AUTS2: variants seen among roughly 807,000 people sequenced by gnomAD.
AUTS2 encodes the protein activator of transcription and developmental regulator AUTS2, also known as autism susceptibility gene 2 protein.
In AUTS2, 17 loss-of-function variants were observed where a neutral mutation model predicts 112.4. That is an observed-to-expected ratio of 0.15 (90% CI 0.10 to 0.23). The LOEUF (loss-of-function observed/expected upper bound fraction) is 0.23, where lower values mean the gene tolerates loss of function less well. Ranked by LOEUF, AUTS2 falls within the 10% of genes least tolerant of loss-of-function variation. AUTS2 has a pLI of 1.00. For synonymous variants in AUTS2, 751 were observed against 702.7 expected (o/e 1.07, Z -1.09); for missense variants, 1,510 against 1,701.6 (o/e 0.89, Z 1.98).
chr7:69,612,679 C>T (rs1401991401), intron 1 of AUTS2, among the ~76,000 whole-genome samples: 4 of 152,080 alleles, frequency 2.6e-5, no homozygotes, highest in African/African-American at 7.2e-5. Flanking sequence ...TGGTCTTGAC[C>T]TCCTGGGCTT....
intron 2 of AUTS2, among the ~76,000 whole-genome samples, chr7:69,910,558 C>T (rs1795311990): frequency 6.6e-6 from 1 of 152,218 alleles, no homozygotes; most frequent in Non-Finnish European, 1.5e-5. Flanking sequence ...AGTAGCAGGT[C>T]ACATCTTACG....
At chr7:70,105,347 A>T (rs2129570295) in intron 2 of AUTS2, among the ~76,000 whole-genome samples, 1 of 152,136 alleles carries the variant, frequency 6.6e-6, no homozygotes, top group Admixed American at 6.5e-5. Flanking sequence ...GCAGCCTCGA[A>T]CTCCTGGGCT....
intron 1 of AUTS2, among the ~76,000 whole-genome samples, chr7:69,762,317 TTTTTTTTG>T (rs1788223755): frequency 8.3e-6 from 1 of 120,114 alleles, no homozygotes; most frequent in Non-Finnish European, 1.7e-5. Context: ...TTTTTTTTTT[TTTTTTTTG>T]AGATGGGGTA....
chr7:70,709,439 A>G (rs1370734315), intron 6 of AUTS2, among the ~76,000 whole-genome samples: 6 of 152,184 alleles, frequency 3.9e-5, no homozygotes, highest in South Asian at 2.1e-4. Flanking sequence ...CAGCCAGCAC[A>G]GTGGCTCACG....
intron 6 of AUTS2, among the ~76,000 whole-genome samples, chr7:70,713,775 A>G (rs1810195572): frequency 6.6e-6 from 1 of 152,166 alleles, no homozygotes; most frequent in Non-Finnish European, 1.5e-5. Context: ...GGAGCCTTGT[A>G]GTCCCAGCTA....
At chr7:70,183,973 A>C (rs1584848433) in intron 4 of AUTS2, among the ~76,000 whole-genome samples, 1 of 152,070 alleles carries the variant, frequency 6.6e-6, no homozygotes, top group Admixed American at 6.6e-5. Flanking sequence ...AGAACATATA[A>C]TTCAGCAGAT....
intron 1 of AUTS2, among the ~76,000 whole-genome samples, chr7:69,617,979 TG>T (rs1356074927): frequency 6.6e-6 from 1 of 152,250 alleles, no homozygotes; most frequent in African/African-American, 2.4e-5. Flanking sequence ...TTGTGATGTT[TG>T]TTGTACCCAG....
At chr7:70,070,780 G>A (rs995610170) in intron 2 of AUTS2, among the ~76,000 whole-genome samples, 2 of 151,944 alleles carry the variant, frequency 1.3e-5, no homozygotes, top group Admixed American at 1.3e-4. Flanking sequence ...GCTGAGGCAG[G>A]AGAATCGCTT....
intron 2 of AUTS2, among the ~76,000 whole-genome samples, chr7:70,100,543 A>G (rs1804429467): frequency 6.6e-6 from 1 of 151,638 alleles, no homozygotes. Flanking sequence ...CTCATCATTT[A>G]CATTAGGTAT....
intron 1 of AUTS2, among the ~76,000 whole-genome samples, chr7:69,720,828 G>C (rs1214662326): frequency 6.6e-6 from 1 of 152,108 alleles, no homozygotes; most frequent in Non-Finnish European, 1.5e-5. Context: ...AGGATCTCTT[G>C]GGAACTGCAG....
intron 6 of AUTS2, among the ~76,000 whole-genome samples, chr7:70,710,326 T>C (rs1275988168): frequency 6.6e-6 from 1 of 152,120 alleles, no homozygotes; most frequent in Admixed American, 6.5e-5. Flanking sequence ...AGATGACTCA[T>C]TTTACCACCA....
chr7:69,941,356 A>G (rs1408665322), intron 2 of AUTS2, among the ~76,000 whole-genome samples: 1 of 152,156 alleles, frequency 6.6e-6, no homozygotes, highest in East Asian at 1.9e-4. Flanking sequence ...ATGGGTAACA[A>G]TTTCAGTTTC....
At chr7:70,183,833 CTT>C (rs60689973) in intron 4 of AUTS2, among the ~76,000 whole-genome samples, 69 of 137,858 alleles carry the variant, frequency 5.0e-4, no homozygotes, top group Admixed American at 6.5e-4. Flanking sequence ...CTGTCTTTTT[CTT>C]TTTTTTTTTT....
chr7:69,643,628 G>GCCCGCCAA (rs1794892312), intron 1 of AUTS2, among the ~76,000 whole-genome samples: 2 of 152,176 alleles, frequency 1.3e-5, no homozygotes, highest in South Asian at 4.2e-4. Flanking sequence ...TCATTCTTCT[G>GCCCGCCAA]CCCGCCAACC....
At chr7:70,428,652 G>A (rs563624140) in intron 4 of AUTS2, among the ~76,000 whole-genome samples, 1 of 152,304 alleles carries the variant, frequency 6.6e-6, no homozygotes, top group East Asian at 1.9e-4. Flanking sequence ...TTGTTCAGCA[G>A]TGGTATTCAG....
At chr7:69,777,571 C>T (rs1262077639) in intron 1 of AUTS2, among the ~76,000 whole-genome samples, 1 of 152,100 alleles carries the variant, frequency 6.6e-6, no homozygotes, top group East Asian at 1.9e-4. Flanking sequence ...ACTCTAAGGC[C>T]TTTGAGCTCT....
chr7:70,118,916 CT>C (rs1805532637), intron 3 of AUTS2: 1 of 152,378 alleles, frequency 6.6e-6, no homozygotes, highest in South Asian at 2.1e-4. Context: ...CAGGTTCCCC[CT>C]CTATTACTTC....
At chr7:70,117,110 T>TTGTTTTG (rs1805403688) in intron 2 of AUTS2, among the ~76,000 whole-genome samples, 1 of 100,890 alleles carries the variant, frequency 9.9e-6, no homozygotes, top group African/African-American at 4.4e-5. Flanking sequence ...TTTTGTTTTT[T>TTGTTTTG]TTTTTTGTTT....
chr7:70,316,507 G>A (rs570574880), intron 4 of AUTS2, among the ~76,000 whole-genome samples: 177 of 149,172 alleles, frequency 1.2e-3, no homozygotes, highest in African/African-American at 4.3e-3. Context: ...AGATTCAAGC[G>A]ACTCTCCTGC....
Sources: gnomAD v4.1 joint callset for allele counts (sites outside exome capture counted in the v4.1 genomes callset) on GRCh38, gnomAD v4.1.1 for gene constraint, MANE v1.5 for transcripts, NCBI Gene and HGNC (gene_info 2026-07-23, HGNC 2026-07-21) for gene names.